The following TYK2 variants were observed in gnomAD, a reference collection of about 807,000 sequenced individuals.
TYK2 encodes non-receptor tyrosine-protein kinase TYK2.
A neutral mutation model predicts 130.9 loss-of-function variants in TYK2; 65 were observed. That is an observed-to-expected ratio of 0.50 (90% CI 0.41 to 0.61). The LOEUF is 0.61. TYK2 is among the 20% of genes least tolerant of loss of function. The pLI is 0.00. For missense variants in TYK2, 1,378 were observed against 1,610.7 expected (o/e 0.86, Z 2.47); for synonymous variants, 647 against 658.9 (o/e 0.98, Z 0.28).
rs931666925 is a variant in TYK2, at chr19:10,378,255, A to T, written c.152T>A (p.Leu51Gln). 1 of 1,612,786 alleles carries T rather than the reference A, an allele frequency of 6.2e-7. No homozygotes were observed. Among genetic ancestry groups the T allele is most frequent in the East Asian group, 2.2e-5 (1 of 44,888 alleles). ...GTGGATGCAGACTTCCTCAGCTGTC[A>T]GCGATGACTCACTGAAAGTGACCCA... ...EPWVTFSESS[L>Q]TAEEVCIHIA... The change falls in exon 3 of 25, where the codon CTG becomes CAG. Residue 51 changes from leucine (L) to glutamine (Q), a missense_variant. Leu to Gln is a moderately radical substitution (Grantham distance 113). Coordinates refer to ENST00000525621, the MANE Select transcript of TYK2 (RefSeq NM_003331.5).
chr19:10,358,887 A>AC (rs2041246714), intron 15 of TYK2, among the ~76,000 whole-genome samples: 1 of 150,904 alleles, frequency 6.6e-6, no homozygotes, highest in South Asian at 2.1e-4. Flanking sequence ...ACATGGTGAA[A>AC]CCCCATCTCT....
chr19:10,351,897 G>C (rs2040822858), intron 23 of TYK2, among the ~76,000 whole-genome samples: 1 of 151,752 alleles, frequency 6.6e-6, no homozygotes. Context: ...CTGCCACCAC[G>C]CCCGGCTAAT....
chr19:10,352,961 G>A lies in TYK2; in HGVS notation c.3165C>T (p.Tyr1055=). 6.2e-7 allele frequency: 1 copy of A among 1,607,774 alleles called. No individual in the cohort carries two copies. Among genetic ancestry groups the A allele is most frequent in the East Asian group, 2.2e-5 (1 of 44,738 alleles). Residue 1055 remains tyrosine (Y), a synonymous_variant, in exon 22 of 25, where the codon TAC becomes TAT. Coordinates refer to ENST00000525621, the MANE Select transcript of TYK2 (RefSeq NM_003331.5). ...GGCTGTCCCCATCCTCGCGCACGCGGTAGTACTCGTGGCCTTCGGGCACGG... is the reference window on the plus strand; with the variant it reads ...GGCTGTCCCCATCCTCGCGCACGCGATAGTACTCGTGGCCTTCGGGCACGG... ...AKAVPEGHEY[Y]RVREDGDSPV... is the part of the protein sequence containing the mutation.
chr19:10,362,748 G>GCA, intron 9 of TYK2, 91 bp from the exon 10 acceptor site: 2 of 1,101,764 alleles, frequency 1.8e-6, no homozygotes, highest in Admixed American at 2.0e-5. Context: ...TACTTAGAGG[G>GCA]CACACACACA....
chr19:10,356,860 T>G, intron 17 of TYK2, 142 bp from the exon 18 acceptor site: 1 of 859,432 alleles, frequency 1.2e-6, no homozygotes, highest in Non-Finnish European at 1.9e-6. Flanking sequence ...CAACTGAGGC[T>G]CCACAAAGTG....
intron 15 of TYK2, among the ~76,000 whole-genome samples, chr19:10,358,448 C>A (rs2041224996): frequency 6.6e-6 from 1 of 151,658 alleles, no homozygotes; most frequent in African/African-American, 2.4e-5. Context: ...CACAGCCTAG[C>A]TGATTCTTAA....
Position 10,353,198 on chromosome 19 carries a change from C to T in TYK2, c.3028-100G>A. On this transcript the variant is annotated intron_variant, in intron 21 of 24. Transcript: ENST00000525621. This position sits in a 1 kb window ranked among gnomAD's most constrained non-coding sequence, Gnocchi z 6.9. ...CAGGAGGGCTGGGGGACAGTCAGGT[C>T]AGGCCGGTGGCTACCCGGCCGCTGG... 8.8e-7 allele frequency: 1 copy of T among 1,132,124 alleles called. No homozygotes were observed. The highest frequency in any genetic ancestry group is 1.2e-6 in the Non-Finnish European group (1 of 839,658). 70.1% of individuals were successfully genotyped at this position (1,132,124 alleles called of 1,614,324 possible).
At chr19:10,356,141 G>A (rs1296282643) in intron 18 of TYK2, among the ~76,000 whole-genome samples, 1 of 152,194 alleles carries the variant, frequency 6.6e-6, no homozygotes, top group Admixed American at 6.6e-5. Context: ...CAATTTGGGA[G>A]GCTGAAGCAG....
chr19:10,377,873 GAT>G (rs2042218461), intron 3 of TYK2, among the ~76,000 whole-genome samples: 1 of 64,898 alleles, frequency 1.5e-5, no homozygotes, highest in Non-Finnish European at 3.1e-5. Context: ...TGGGTGGATG[GAT>G]GCGTGGGTGG....
chr19:10,359,028 A>G, intron 15 of TYK2, 147 bp downstream of exon 15: 1 of 1,058,400 alleles, frequency 9.4e-7, no homozygotes. Flanking sequence ...ATGCCATTGC[A>G]CTCCAGCCTG....
At chr19:10,378,572 C>CT (rs1487426106) in intron 2 of TYK2, 146 bp from the exon 3 acceptor site, 25 of 655,416 alleles carry the variant, frequency 3.8e-5, no homozygotes, top group South Asian at 1.1e-4. Flanking sequence ...GATTCCCTCT[C>CT]TGAGTCTCGT....
intron 22 of TYK2, 41 bp from the exon 23 acceptor site, chr19:10,352,592 G>T (rs1341333966): frequency 1.0e-6 from 1 of 991,908 alleles, no homozygotes; most frequent in Non-Finnish European, 1.5e-6. Flanking sequence ...GGGCTGCACT[G>T]AGGGCTTGGG....
chr19:10,361,339 G>T lies in TYK2; in HGVS notation c.2047+172C>A. ...AGTTATGGGCTGGAATATCGTTAGG[G>T]GTTGGGGTCTAGGTTGAAGGTCAAG... On this transcript the variant is annotated intron_variant, in intron 14 of 24. Transcript: ENST00000525621. This position sits in a 1 kb window ranked among gnomAD's most constrained non-coding sequence, Gnocchi z 4.0. The T allele has an allele frequency of 1.5e-6, 1 of 683,296 alleles. No individual in the cohort carries two copies. The highest frequency in any genetic ancestry group is 2.6e-6 in the Non-Finnish European group (1 of 385,238). The allele number at this position is 683,296 out of a possible 1,614,324, so 42.3% of individuals were successfully genotyped here.
At chr19:10,359,651 G>C (rs12720292) in intron 14 of TYK2, among the ~76,000 whole-genome samples, 118 of 150,632 alleles carry the variant, frequency 7.8e-4, no homozygotes, top group African/African-American at 2.9e-3. Flanking sequence ...TTCAAGGGCA[G>C]CCTGCCCAAC....
chr19:10,361,634 C>T lies in TYK2; in HGVS notation c.1960-36G>A, dbSNP rs778225696. 7 of 1,552,802 alleles carry T rather than the reference C, an allele frequency of 4.5e-6. No homozygotes were observed. Among genetic ancestry groups the T allele is most frequent in the South Asian group, 2.3e-5 (2 of 86,262 alleles). ...CGGGCAGGTCAGGTGGCTGCAAAGC[C>T]GACCCCTCCCATCCCACCTCCTCCA... is the stretch of plus-strand genomic sequence containing the variant. On this transcript the variant is annotated intron_variant, in intron 13 of 24. Coordinates refer to ENST00000525621, the MANE Select transcript of TYK2 (RefSeq NM_003331.5). This position sits in a 1 kb window ranked among gnomAD's most constrained non-coding sequence, Gnocchi z 4.0.
At chr19:10,354,371 C>T in intron 19 of TYK2, 137 bp from the exon 20 acceptor site, 2 of 1,331,574 alleles carry the variant, frequency 1.5e-6, no homozygotes, top group Non-Finnish European at 2.1e-6. Flanking sequence ...TCTATTAAGA[C>T]TCCTTGGCAC....
intron 3 of TYK2, among the ~76,000 whole-genome samples, chr19:10,377,147 C>T (rs1167210755): frequency 6.6e-6 from 1 of 152,140 alleles, no homozygotes; most frequent in Non-Finnish European, 1.5e-5. Context: ...TCAAGCAATC[C>T]TCCTGCCTGG....
At position 10,365,053 on chromosome 19, in the gene TYK2, A is replaced by G. The variant is rs760859953; in HGVS notation, c.1012-5T>C. ...GCCACTGCTGCCACTAGAACCCTGAACACCCAGCAAGTGGGGCAGAGGATG... is the reference window on the plus strand; with the variant it reads ...GCCACTGCTGCCACTAGAACCCTGAGCACCCAGCAAGTGGGGCAGAGGATG... On this transcript the variant is annotated splice_polypyrimidine_tract_variant and splice_region_variant and intron_variant, in intron 7 of 24. Coordinates refer to ENST00000525621, the MANE Select transcript of TYK2 (RefSeq NM_003331.5). 6.2e-7 allele frequency: 1 copy of G among 1,601,668 alleles called. No individual in the cohort carries two copies. The highest frequency in any genetic ancestry group is 8.5e-7 in the Non-Finnish European group (1 of 1,172,426).
At chr19:10,356,854 T>G (rs1389418246) in intron 17 of TYK2, 136 bp from the exon 18 acceptor site, 3 of 906,414 alleles carry the variant, frequency 3.3e-6, no homozygotes, top group Non-Finnish European at 1.7e-6. Context: ...ATGAGGCAAC[T>G]GAGGCTCCAC....
Sources: allele counts gnomAD v4.1 joint callset (sites outside exome capture counted in the v4.1 genomes callset), GRCh38; gene constraint gnomAD v4.1.1; non-coding constraint Gnocchi (gnomAD v3.1); transcripts MANE v1.5; gene names NCBI Gene and HGNC (gene_info 2026-07-23, HGNC 2026-07-21).